CAB39: variants seen among roughly 807,000 people sequenced by gnomAD.
CAB39 encodes the protein calcium-binding protein 39.
Under a neutral mutation model 40.0 loss-of-function variants are expected in CAB39, and 8 were observed. That is an observed-to-expected ratio of 0.20 (90% confidence interval 0.12 to 0.36). The LOEUF (loss-of-function observed/expected upper bound fraction) is 0.36, where lower values mean the gene tolerates loss of function less well. Among genes scored for constraint, CAB39 ranks in the 10% least tolerant of loss-of-function variants. The pLI, the probability that CAB39 is intolerant of heterozygous loss-of-function variation, is 1.00. For synonymous variants in CAB39, 156 were observed against 141.6 expected (o/e 1.10, Z -0.72); for missense variants, 270 against 401.1 (o/e 0.67, Z 2.79).
chr2:230,800,432 T>C (rs1165918270), intron 5 of CAB39, among the ~76,000 whole-genome samples: 1 of 152,144 alleles, frequency 6.6e-6, no homozygotes, highest in Non-Finnish European at 1.5e-5. Flanking sequence ...TGTATGTAGG[T>C]GTACAAAGCA....
At chr2:230,812,681 A>T (rs2466152) in intron 6 of CAB39, among the ~76,000 whole-genome samples, 150,755 of 152,324 alleles carry the variant, frequency 0.99, 74,616 homozygotes, top group East Asian at 1. Flanking sequence ...ACTCAAATAC[A>T]TACCAAATAG....
In CAB39 at chr2:230,748,831, AATAT is replaced by A. The variant is rs71052546; in HGVS notation, c.-43-11094_-43-11091del. ...CCAAAAAGAAAAAAAAAAAAAAAAA[AATAT>A]ATATATATATATATATATATATATA... On this transcript the variant is annotated intron_variant, in intron 1 of 8. Transcript: ENST00000258418. 6.7e-3 allele frequency among the ~76,000 whole-genome samples: 190 copies of A among 28,362 alleles called. 1 individual carries two copies. The highest frequency in any genetic ancestry group is 9.9e-3 in the African/African-American group (78 of 7,906). The allele number at this position is 28,362 out of a possible 152,430, so 18.6% of individuals were successfully genotyped here. A position where few individuals can be genotyped will look rare whatever the true frequency, so the allele number is the denominator to read the frequency against.
At chr2:230,745,417 A>G (rs771648140) in intron 1 of CAB39, among the ~76,000 whole-genome samples, 4 of 152,154 alleles carry the variant, frequency 2.6e-5, no homozygotes, top group Non-Finnish European at 5.9e-5. Flanking sequence ...TATTTTCCCA[A>G]AGGATGATGA....
chr2:230,750,967 T>G (rs1327442585), intron 1 of CAB39, among the ~76,000 whole-genome samples: 1 of 152,218 alleles, frequency 6.6e-6, no homozygotes, highest in East Asian at 1.9e-4. Flanking sequence ...TTTAAATAAT[T>G]GTTCTGTACT....
At chr2:230,744,188 G>A (rs1694933153) in intron 1 of CAB39, among the ~76,000 whole-genome samples, 1 of 152,044 alleles carries the variant, frequency 6.6e-6, no homozygotes, top group Non-Finnish European at 1.5e-5. Flanking sequence ...CAAAGTGCTG[G>A]GATTACAGGC....
At chr2:230,715,102 A>G (rs145565889) in intron 1 of CAB39, among the ~76,000 whole-genome samples, 1 of 152,302 alleles carries the variant, frequency 6.6e-6, no homozygotes, top group Non-Finnish European at 1.5e-5. Flanking sequence ...TTTTCTTTGC[A>G]TAATGAAATA....
Position 230,818,134 on chromosome 2 carries a change from C to T in CAB39, c.837+237C>T, listed in dbSNP as rs1283900383. 6.2e-6 allele frequency: 3 copies of T among 482,652 alleles called. No homozygotes were observed. The South Asian group carries it at 1.0e-4, about 16-fold the overall frequency. The allele number at this position is 482,652 out of a possible 1,614,324, so 29.9% of individuals were successfully genotyped here. On this transcript the variant is annotated intron_variant, in intron 8 of 8. Transcript: ENST00000258418. Reference sequence around the variant, plus strand: ...ATAGAAGAGTGTCATTTATCTTTGGCCTAGAAGATTAGTAACTGCAAAACA... The same window carrying T: ...ATAGAAGAGTGTCATTTATCTTTGGTCTAGAAGATTAGTAACTGCAAAACA...
chr2:230,713,407 C>A (rs1213378897), intron 1 of CAB39, 177 bp downstream of exon 1: 2 of 152,246 alleles, frequency 1.3e-5, no homozygotes, highest in Non-Finnish European at 2.9e-5. Flanking sequence ...CCTCTCCGCC[C>A]GGCTCGGCTC....
intron 1 of CAB39, among the ~76,000 whole-genome samples, chr2:230,742,874 T>G (rs1459323581): frequency 1.3e-5 from 2 of 152,184 alleles, no homozygotes; most frequent in Non-Finnish European, 2.9e-5. Flanking sequence ...TCATGGACTT[T>G]TGATTCAAGA....
chr2:230,731,025 T>C (rs1341638040), intron 1 of CAB39, among the ~76,000 whole-genome samples: 3 of 152,226 alleles, frequency 2.0e-5, no homozygotes, highest in Non-Finnish European at 2.9e-5. Context: ...GGTCAATGTT[T>C]TATCCCCAGA....
intron 1 of CAB39, among the ~76,000 whole-genome samples, chr2:230,721,936 C>T (rs1694460738): frequency 6.6e-6 from 1 of 152,092 alleles, no homozygotes; most frequent in African/African-American, 2.4e-5. Context: ...AGGAAACCCT[C>T]TTATTTGCAT....
intron 1 of CAB39, among the ~76,000 whole-genome samples, chr2:230,745,248 T>C (rs1321156730): frequency 6.6e-6 from 1 of 152,224 alleles, no homozygotes; most frequent in Non-Finnish European, 1.5e-5. Context: ...AGTTTTAGGA[T>C]CGTGGAGAAT....
intron 2 of CAB39, among the ~76,000 whole-genome samples, chr2:230,781,310 G>T (rs941066304): frequency 2.0e-5 from 3 of 152,142 alleles, no homozygotes; most frequent in African/African-American, 7.2e-5. Flanking sequence ...AAGTGGAGCC[G>T]TCTTGAAATA....
chr2:230,736,638 G>A (rs1291137718), intron 1 of CAB39, among the ~76,000 whole-genome samples: 10 of 152,270 alleles, frequency 6.6e-5, no homozygotes, highest in Non-Finnish European at 1.2e-4. Context: ...AGACCCTGTG[G>A]ATCCTTTATT....
At chr2:230,737,534 A>G (rs1694808122) in intron 1 of CAB39, among the ~76,000 whole-genome samples, 1 of 152,224 alleles carries the variant, frequency 6.6e-6, no homozygotes, top group African/African-American at 2.4e-5. Flanking sequence ...TGAGGCCTGC[A>G]CGAAAATGAT....
At chr2:230,792,032 T>C (rs1036348710) in intron 3 of CAB39, among the ~76,000 whole-genome samples, 3 of 152,180 alleles carry the variant, frequency 2.0e-5, no homozygotes, top group Non-Finnish European at 4.4e-5. Flanking sequence ...GACAGACGTA[T>C]AGCCAGATTA....
chr2:230,733,568 C>G (rs989042501), intron 1 of CAB39, among the ~76,000 whole-genome samples: 1 of 152,068 alleles, frequency 6.6e-6, no homozygotes, highest in African/African-American at 2.4e-5. Context: ...CTGTTTTTGC[C>G]CAGATTCTCT....
intron 2 of CAB39, among the ~76,000 whole-genome samples, chr2:230,774,688 C>G (rs1005254157): frequency 3.9e-5 from 6 of 152,054 alleles, no homozygotes; most frequent in Non-Finnish European, 7.4e-5. Context: ...AGTAAGTTTG[C>G]TGACATATTT....
chr2:230,766,722 T>A (rs944914152), intron 2 of CAB39, among the ~76,000 whole-genome samples: 3 of 152,148 alleles, frequency 2.0e-5, no homozygotes, highest in Admixed American at 6.5e-5. Flanking sequence ...AGAGACCGAG[T>A]CTCACAATGT....
Sources: gnomAD v4.1 joint callset for allele counts (sites outside exome capture counted in the v4.1 genomes callset) on GRCh38, gnomAD v4.1.1 for gene constraint, MANE v1.5 for transcripts, NCBI Gene and HGNC (gene_info 2026-07-23, HGNC 2026-07-21) for gene names.